SLC8A1: variants seen among roughly 807,000 people sequenced by gnomAD.
SLC8A1 encodes solute carrier family 8 member A1.
A neutral mutation model predicts 68.3 loss-of-function variants in SLC8A1; 18 were observed. The observed-to-expected ratio is 0.26, with a 90% CI of 0.18 to 0.39. SLC8A1 has a LOEUF of 0.39. SLC8A1 is among the 10% of genes least tolerant of loss of function. The pLI is 1.00. For synonymous variants in SLC8A1, 475 were observed against 415.5 expected, an observed-to-expected ratio of 1.14 and a Z score of -1.74; for missense variants, 985 against 1,156.7, an observed-to-expected ratio of 0.85 and a Z score of 2.15.
chr2:40,153,629 C>A (rs974614908), intron 6 of SLC8A1, among the ~76,000 whole-genome samples: 1 of 152,262 alleles, frequency 6.6e-6, no homozygotes, highest in Admixed American at 6.5e-5. Context: ...CCTGAAACAA[C>A]CTACCTACCT....
intron 2 of SLC8A1, among the ~76,000 whole-genome samples, chr2:40,300,300 T>A (rs1429931578): frequency 2.0e-5 from 3 of 152,174 alleles, no homozygotes; most frequent in African/African-American, 7.2e-5. Context: ...TCATTCTTGT[T>A]ATCACACCCA....
chr2:40,262,426 A>G (rs1192079300), intron 2 of SLC8A1, among the ~76,000 whole-genome samples: 2 of 152,292 alleles, frequency 1.3e-5, no homozygotes, highest in East Asian at 3.9e-4. Flanking sequence ...CCAGTGGTGG[A>G]CTGAATAAGA....
chr2:40,430,968 AG>A (rs1698148178), intron 1 of SLC8A1, among the ~76,000 whole-genome samples: 1 of 152,192 alleles, frequency 6.6e-6, no homozygotes, highest in African/African-American at 2.4e-5. Flanking sequence ...TTTGTTCTTG[AG>A]GAGAAAAAAA....
At chr2:40,200,239 A>T (rs12477456) in intron 2 of SLC8A1, among the ~76,000 whole-genome samples, 1,898 of 16,598 alleles carry the variant, frequency 0.11, 343 homozygotes, top group Middle Eastern at 0.23. Flanking sequence ...TATATATATA[A>T]ATATATATAT....
intron 2 of SLC8A1, among the ~76,000 whole-genome samples, chr2:40,402,521 G>A (rs533023889): frequency 1.3e-5 from 2 of 152,110 alleles, no homozygotes; most frequent in Non-Finnish European, 2.9e-5. Flanking sequence ...TCTTGCACAA[G>A]GTCCAAGAAC....
intron 1 of SLC8A1, among the ~76,000 whole-genome samples, chr2:40,510,693 T>TTC (rs928743160): frequency 1.3e-5 from 2 of 152,018 alleles, no homozygotes; most frequent in Admixed American, 6.6e-5. Context: ...GCATAGTTTA[T>TTC]TCTCTCTCTC....
At chr2:40,232,732 C>A in intron 2 of SLC8A1, among the ~76,000 whole-genome samples, 1 of 79,730 alleles carries the variant, frequency 1.3e-5, no homozygotes, top group South Asian at 3.3e-4. Context: ...GTATATCTCC[C>A]AGTGCTATCC....
chr2:40,240,377 G>T (rs964517659), intron 2 of SLC8A1, among the ~76,000 whole-genome samples: 2 of 152,142 alleles, frequency 1.3e-5, no homozygotes, highest in Admixed American at 1.3e-4. Flanking sequence ...GGATGTGATT[G>T]TTTTGGCTTC....
chr2:40,421,316 G>A (rs1477489450), intron 2 of SLC8A1, among the ~76,000 whole-genome samples: 1 of 151,956 alleles, frequency 6.6e-6, no homozygotes, highest in Non-Finnish European at 1.5e-5. Context: ...GTAACTGGCT[G>A]AAAGGCACAA....
At chr2:40,156,808 G>A (rs910935697) in intron 6 of SLC8A1, among the ~76,000 whole-genome samples, 10 of 152,054 alleles carry the variant, frequency 6.6e-5, no homozygotes, top group African/African-American at 7.2e-5. Flanking sequence ...CTCTGTGTAC[G>A]TGCATACCTG....
Position 40,416,054 on chromosome 2 carries a change from T to TAAA in SLC8A1, c.1808+12416_1808+12418dup, listed in dbSNP as rs779668065. Among the ~76,000 whole-genome samples the TAAA allele has an allele frequency of 4.9e-3, 566 of 116,230 alleles. 3 individuals are homozygous for TAAA. The highest frequency in any genetic ancestry group is 6.0e-3 in the Non-Finnish European group (338 of 56,522). The allele number at this position is 116,230 out of a possible 152,430, so 76.3% of individuals were successfully genotyped here. A position where few individuals can be genotyped will look rare whatever the true frequency, so the allele number is the denominator to read the frequency against. The stretch of plus-strand genomic sequence containing the variant: ...TGACAGATTGAGCGAGGCTCTGTTT[T>TAAA]AAAAAAAAAAAAAAAAAAAAAGCAA... On this transcript the variant is annotated intron_variant, in intron 2 of 7. Transcript: ENST00000406785.
At chr2:40,414,233 T>A (rs1034571861) in intron 2 of SLC8A1, among the ~76,000 whole-genome samples, 6 of 152,168 alleles carry the variant, frequency 3.9e-5, no homozygotes, top group Non-Finnish European at 7.4e-5. Flanking sequence ...GAAAACAGTA[T>A]CTTAAGACCA....
chr2:40,263,628 G>A (rs899511840), intron 2 of SLC8A1, among the ~76,000 whole-genome samples: 3 of 152,092 alleles, frequency 2.0e-5, no homozygotes, highest in Non-Finnish European at 4.4e-5. Context: ...CATAAATGGT[G>A]CTAGCCATTT....
chr2:40,277,447 G>A (rs550443843), intron 2 of SLC8A1, among the ~76,000 whole-genome samples: 1 of 152,174 alleles, frequency 6.6e-6, no homozygotes, highest in Admixed American at 6.5e-5. Context: ...GGCTGAGGCA[G>A]GAGAATCACT....
At chr2:40,240,555 T>C (rs2061079064) in intron 2 of SLC8A1, among the ~76,000 whole-genome samples, 2 of 152,226 alleles carry the variant, frequency 1.3e-5, no homozygotes, top group African/African-American at 4.8e-5. Flanking sequence ...AGGCTGTCTC[T>C]CTATTGTTCA....
chr2:40,431,327 G>A (rs1235331341), intron 1 of SLC8A1, among the ~76,000 whole-genome samples: 1 of 152,050 alleles, frequency 6.6e-6, no homozygotes, highest in Non-Finnish European at 1.5e-5. Flanking sequence ...ACCAAAAAAT[G>A]CAGGACCAAT....
intron 2 of SLC8A1, among the ~76,000 whole-genome samples, chr2:40,324,547 C>A (rs1478657193): frequency 6.6e-6 from 1 of 152,130 alleles, no homozygotes; most frequent in African/African-American, 2.4e-5. Flanking sequence ...AAATATGATT[C>A]AAAGTGAAGT....
intron 2 of SLC8A1, among the ~76,000 whole-genome samples, chr2:40,268,525 C>T (rs974317884): frequency 3.3e-5 from 5 of 152,062 alleles, no homozygotes; most frequent in Non-Finnish European, 5.9e-5. Flanking sequence ...CCTTGGTACC[C>T]CCCATTAATG....
At chr2:40,391,312 G>C (rs908542283) in intron 2 of SLC8A1, among the ~76,000 whole-genome samples, 6 of 152,028 alleles carry the variant, frequency 3.9e-5, no homozygotes, top group South Asian at 2.1e-4. Context: ...TACTCAGAAA[G>C]GGAAAGTGAT....
Sources: allele counts gnomAD v4.1 joint callset (sites outside exome capture counted in the v4.1 genomes callset), GRCh38; gene constraint gnomAD v4.1.1; transcripts MANE v1.5; gene names NCBI Gene and HGNC (gene_info 2026-07-23, HGNC 2026-07-21).